The following PGAP1 variants were observed in gnomAD, a reference collection of about 807,000 sequenced individuals.
PGAP1 encodes post-GPI attachment to proteins inositol deacylase 1, also known as GPI inositol-deacylase.
Under a neutral mutation model 127.0 loss-of-function variants are expected in PGAP1, and 76 were observed. The ratio of observed to expected loss-of-function variants is 0.60; its 90% CI spans 0.50 to 0.72. The LOEUF is 0.72. Ranked by LOEUF, PGAP1 falls within the 30% of genes least tolerant of loss-of-function variation. The pLI is 0.00. For missense variants in PGAP1, 982 were observed against 1,071.3 expected, an observed-to-expected ratio of 0.92 and a Z score of 1.16; for synonymous variants, 362 against 366.5, an observed-to-expected ratio of 0.99 and a Z score of 0.14.
chr2:196,883,494 G>C (rs1323031485), intron 12 of PGAP1, among the ~76,000 whole-genome samples: 1 of 152,188 alleles, frequency 6.6e-6, no homozygotes, highest in Admixed American at 6.5e-5. Context: ...GCTACAGGCA[G>C]CTAAGACCCA....
chr2:196,884,574 A>G (rs1264119971), intron 12 of PGAP1, among the ~76,000 whole-genome samples: 1 of 152,220 alleles, frequency 6.6e-6, no homozygotes, highest in Admixed American at 6.5e-5. Context: ...TGTATAGTAT[A>G]GAGTTGACTA....
intron 20 of PGAP1, among the ~76,000 whole-genome samples, chr2:196,857,584 A>C (rs982574400): frequency 6.6e-6 from 1 of 152,212 alleles, no homozygotes; most frequent in African/African-American, 2.4e-5. Context: ...TCAAAAGGGG[A>C]AAATGTGAAA....
At chr2:196,878,090 T>C (rs1288444880) in intron 13 of PGAP1, among the ~76,000 whole-genome samples, 1 of 152,210 alleles carries the variant, frequency 6.6e-6, no homozygotes, top group East Asian at 1.9e-4. Flanking sequence ...ACCTCCATTT[T>C]CTTTCTTACC....
intron 14 of PGAP1, 107 bp from the exon 15 acceptor site, chr2:196,873,865 T>A: frequency 1.3e-6 from 1 of 762,536 alleles, no homozygotes; most frequent in African/African-American, 1.8e-5. Flanking sequence ...AAAATTTATT[T>A]ACAGGTTTTC....
chr2:196,870,949 G>A lies in PGAP1; in HGVS notation c.1759C>T (p.Leu587Phe). 6.2e-7 allele frequency: 1 copy of A among 1,606,774 alleles called. No individual in the cohort carries two copies. The highest frequency in any genetic ancestry group is 8.5e-7 in the Non-Finnish European group (1 of 1,174,084). The change falls in exon 19 of 27, where the codon CTT becomes TTT. Residue 587 changes from leucine (L) to phenylalanine (F), a missense_variant. Leu to Phe is a conservative substitution (Grantham distance 22, BLOSUM62 0). Coordinates refer to ENST00000354764, the MANE Select transcript of PGAP1 (RefSeq NM_024989.4). ...CCAGGAATCTCTCTTACCTGTCCAA[G>A]TATTTGTGAAAAGGAAGTCTTAACT... is the stretch of plus-strand genomic sequence containing the variant. ...VTVKTSFSQI[L>F]GQVVRFHGGA...
chr2:196,865,052 G>T lies in PGAP1; in HGVS notation c.1796C>A (p.Pro599His). Residue 599 changes from proline to histidine, a missense_variant, in exon 20 of 27, where the codon CCT becomes CAT. Physicochemically the swap from Pro to His is moderately conservative, Grantham distance 77. Coordinates refer to ENST00000354764, the MANE Select transcript of PGAP1 (RefSeq NM_024989.4). The stretch of plus-strand genomic sequence containing the variant: ...AAGGATATTAGATACGACATAAGCA[G>T]GAAGAGCTCCACCATGAAATCTAAC... Reference protein sequence around the residue: ...QVVRFHGGALPAYVVSNILLA... With the variant: ...QVVRFHGGALHAYVVSNILLA... The T allele has an allele frequency of 6.4e-7, 1 of 1,567,780 alleles. No homozygotes were observed. Among genetic ancestry groups the T allele is most frequent in the Non-Finnish European group, 8.6e-7 (1 of 1,164,218 alleles).
intron 2 of PGAP1, among the ~76,000 whole-genome samples, chr2:196,918,651 T>C (rs1287791760): frequency 6.6e-6 from 1 of 152,160 alleles, no homozygotes; most frequent in Non-Finnish European, 1.5e-5. Context: ...GCATTAAAAC[T>C]ACAAAGAAAG....
At position 196,844,449 on chromosome 2, in the gene PGAP1, TA is replaced by T. The variant is rs3839046; in HGVS notation, c.2337+74del. 0.096 allele frequency: 87,932 copies of T among 918,800 alleles called. 2,285 individuals are homozygous for T. The highest frequency in any genetic ancestry group is 0.18 in the African/African-American group (10,253 of 57,490). The allele number at this position is 918,800 out of a possible 1,614,324, so 56.9% of individuals were successfully genotyped here. A position where few individuals can be genotyped will look rare whatever the true frequency, so the allele number is the denominator to read the frequency against. On this transcript the variant is annotated intron_variant, in intron 24 of 26. Transcript: ENST00000354764. The stretch of plus-strand genomic sequence containing the variant: ...TTTAAGCACTATGAAATACTAACCT[TA>T]AAAAAAAAAACTCTTATATTTCCCC...
At chr2:196,863,758 T>A (rs899797599) in intron 20 of PGAP1, among the ~76,000 whole-genome samples, 2 of 152,158 alleles carry the variant, frequency 1.3e-5, no homozygotes, top group Non-Finnish European at 2.9e-5. Flanking sequence ...TTTGTGTTTT[T>A]AGCAAAGACG....
At chr2:196,861,739 G>A (rs1282327682) in intron 20 of PGAP1, among the ~76,000 whole-genome samples, 1 of 152,072 alleles carries the variant, frequency 6.6e-6, no homozygotes, top group Admixed American at 6.6e-5. Context: ...GGATTGTGAA[G>A]ATTTCATGGA....
chr2:196,902,600 A>C lies in PGAP1; in HGVS notation c.792T>G (p.Ser264Arg). The stretch of plus-strand genomic sequence containing the variant: ...AAAAGATTACCACAACAGATAAGGC[A>C]CTGGTATGATGGCTTAATTTTGGTA... ...TFLPKLSHHT[S>R]ALSVVSSAVP... is the part of the protein sequence containing the mutation. Residue 264 changes from serine to arginine, a missense_variant, in exon 5 of 27, where the codon AGT becomes AGG. Coordinates refer to ENST00000354764, the MANE Select transcript of PGAP1 (RefSeq NM_024989.4). The C allele has an allele frequency of 6.2e-7, 1 of 1,611,426 alleles. No homozygotes were observed. Among genetic ancestry groups the C allele is most frequent in the Middle Eastern group, 1.7e-4 (1 of 6,048 alleles).
At chr2:196,891,974 A>C (rs1702113387) in intron 9 of PGAP1, among the ~76,000 whole-genome samples, 1 of 152,114 alleles carries the variant, frequency 6.6e-6, no homozygotes, top group South Asian at 2.1e-4. Flanking sequence ...AATCAGTAAA[A>C]TCAAGACTGT....
At chr2:196,863,486 T>C (rs1472691997) in intron 20 of PGAP1, among the ~76,000 whole-genome samples, 1 of 152,228 alleles carries the variant, frequency 6.6e-6, no homozygotes, top group Non-Finnish European at 1.5e-5. Context: ...ACAAATATTA[T>C]ACGCCCTCAT....
intron 7 of PGAP1, among the ~76,000 whole-genome samples, chr2:196,895,048 A>G (rs1189277510): frequency 6.6e-6 from 1 of 152,160 alleles, no homozygotes; most frequent in Non-Finnish European, 1.5e-5. Context: ...AGGGTTAGAT[A>G]TCATACCTTA....
intron 2 of PGAP1, among the ~76,000 whole-genome samples, chr2:196,917,914 G>A (rs540154994): frequency 6.6e-6 from 1 of 152,234 alleles, no homozygotes; most frequent in Admixed American, 6.5e-5. Context: ...CTCCCAAACA[G>A]TTTTCCAAAG....
Position 196,926,683 on chromosome 2 carries a change from G to T in PGAP1, c.-67C>A. 1.2e-6 allele frequency: 2 copies of T among 1,606,574 alleles called. No homozygotes were observed. Among genetic ancestry groups the T allele is most frequent in the Admixed American group, 1.7e-5 (1 of 59,598 alleles). On this transcript the variant is annotated 5_prime_UTR_variant, in exon 1 of 27. Transcript: ENST00000354764. ...CTCCTTCTCCGCCGCGGGGCCCCAA[G>T]CCCGGACTGAGCGTGCTAGACACTG...
chr2:196,884,278 T>A (rs2125811033), intron 12 of PGAP1, among the ~76,000 whole-genome samples: 2 of 152,300 alleles, frequency 1.3e-5, no homozygotes, highest in South Asian at 4.1e-4. Flanking sequence ...GAGGAAATAT[T>A]TAATAACACC....
intron 23 of PGAP1, among the ~76,000 whole-genome samples, chr2:196,845,250 T>G (rs777708214): frequency 6.6e-6 from 1 of 151,900 alleles, no homozygotes; most frequent in Non-Finnish European, 1.5e-5. Flanking sequence ...ATTTACACTT[T>G]TAAAAATTTC....
At chr2:196,864,822 A>G (rs544904880) in intron 20 of PGAP1, among the ~76,000 whole-genome samples, 165 bp downstream of exon 20, 49 of 152,324 alleles carry the variant, frequency 3.2e-4, no homozygotes, top group Admixed American at 1.8e-3. Flanking sequence ...ACGTGGCATA[A>G]TTATAAAAAA....
Sources: gnomAD v4.1 joint callset for allele counts (sites outside exome capture counted in the v4.1 genomes callset) on GRCh38, gnomAD v4.1.1 for gene constraint, MANE v1.5 for transcripts, NCBI Gene and HGNC (gene_info 2026-07-23, HGNC 2026-07-21) for gene names.